The following GABRG3 variants were observed in gnomAD, a reference collection of about 807,000 sequenced individuals.
The protein encoded by GABRG3 is gamma-aminobutyric acid receptor subunit gamma-3.
GABRG3 carries 25 observed loss-of-function variants against 48.8 expected under a neutral mutation model. The observed-to-expected ratio is 0.51, with a 90% confidence interval of 0.37 to 0.72. The LOEUF (loss-of-function observed/expected upper bound fraction) is 0.72, where lower values mean the gene tolerates loss of function less well. Ranked by LOEUF, GABRG3 falls within the 30% of genes least tolerant of loss-of-function variation. The pLI, the probability that GABRG3 is intolerant of heterozygous loss-of-function variation, is 0.00. For synonymous variants in GABRG3, 227 were observed against 217.6 expected (o/e 1.04, Z -0.38); for missense variants, 394 against 577.9 (o/e 0.68, Z 3.26).
Position 27,447,672 on chromosome 15 carries a change from TAAA to T in GABRG3, c.575-32974_575-32972del. 6.6e-6 allele frequency among the ~76,000 whole-genome samples: 1 copy of T among 152,100 alleles called. No individual in the cohort carries two copies. The highest frequency in any genetic ancestry group is 1.9e-4 in the East Asian group (1 of 5,186). On this transcript the variant is annotated intron_variant, in intron 5 of 9. Transcript: ENST00000615808. The surrounding 1 kb of genome is among the most constrained non-coding windows in gnomAD (Gnocchi z 4.0). ...TACACTGTGGAATACTATGCAGCCA[TAAA>T]AAAGGATGAGTTCATTTCCTTTGCA...
rs148886087 is a variant in GABRG3, at chr15:27,342,428, C to A, written c.574+13540C>A. Among the ~76,000 whole-genome samples, 721 of 152,298 alleles carry A rather than the reference C, an allele frequency of 4.7e-3. 9 individuals carry two copies. Among genetic ancestry groups the A allele is most frequent in the African/African-American group, 0.016 (678 of 41,560 alleles). ...CTCTGGCTGCTGCTAGCACATCACC[C>A]CTCCACAGCGTTCTGTATCATCTCC... is the stretch of plus-strand genomic sequence containing the variant. On this transcript the variant is annotated intron_variant, in intron 5 of 9. Transcript: ENST00000615808.
chr15:27,316,678 G>A (rs945507689), intron 3 of GABRG3, among the ~76,000 whole-genome samples: 3 of 152,202 alleles, frequency 2.0e-5, no homozygotes, highest in African/African-American at 7.2e-5. Context: ...TGAATGATGA[G>A]GAATTTCGTT....
At chr15:27,080,915 T>C (rs1896981809) in intron 3 of GABRG3, among the ~76,000 whole-genome samples, 1 of 152,088 alleles carries the variant, frequency 6.6e-6, no homozygotes, top group South Asian at 2.1e-4. Flanking sequence ...CTAACCACCA[T>C]AGAAACCAGG....
intron 3 of GABRG3, among the ~76,000 whole-genome samples, chr15:27,095,344 C>T (rs749958809): frequency 2.0e-5 from 3 of 152,208 alleles, no homozygotes; most frequent in East Asian, 3.9e-4. Flanking sequence ...CAGACACACA[C>T]ATGCTTCTGT....
chr15:27,165,648 C>T (rs1681343973), intron 3 of GABRG3, among the ~76,000 whole-genome samples: 1 of 152,022 alleles, frequency 6.6e-6, no homozygotes, highest in Admixed American at 6.6e-5. Flanking sequence ...TCTCCCCTCT[C>T]TTCCTACAGT....
chr15:27,177,366 T>C (rs550464980), intron 3 of GABRG3, among the ~76,000 whole-genome samples: 1 of 152,356 alleles, frequency 6.6e-6, no homozygotes, highest in South Asian at 2.1e-4. Context: ...GACCTCCAGC[T>C]ACATGACTCT....
intron 3 of GABRG3, among the ~76,000 whole-genome samples, chr15:27,039,512 T>A (rs536899402): frequency 6.6e-6 from 1 of 152,324 alleles, no homozygotes; most frequent in South Asian, 2.1e-4. Flanking sequence ...AAGGAATCCC[T>A]GCATTGGGAG....
At chr15:27,189,835 C>T (rs1888234206) in intron 3 of GABRG3, among the ~76,000 whole-genome samples, 1 of 152,092 alleles carries the variant, frequency 6.6e-6, no homozygotes, top group South Asian at 2.1e-4. Context: ...CAGTTTTTGC[C>T]CATTCAGTAT....
intron 5 of GABRG3, among the ~76,000 whole-genome samples, chr15:27,463,066 AT>A: frequency 6.6e-6 from 1 of 152,314 alleles, no homozygotes; most frequent in Non-Finnish European, 1.5e-5. Flanking sequence ...TCTTGAAAAA[AT>A]AATGCATGCT....
At chr15:26,996,405 T>G (rs76139588) in intron 2 of GABRG3, among the ~76,000 whole-genome samples, 2,222 of 152,128 alleles carry the variant, frequency 0.015, 66 homozygotes, top group African/African-American at 0.051. Flanking sequence ...TGCAGTCACA[T>G]TGTCTTCTGG....
chr15:27,271,225 C>T (rs888548283), intron 3 of GABRG3, among the ~76,000 whole-genome samples: 2 of 152,182 alleles, frequency 1.3e-5, no homozygotes, highest in Admixed American at 6.5e-5. Context: ...GTGAGTGCTC[C>T]CTGCACTTGC....
chr15:27,380,840 A>T (rs1895748890), intron 5 of GABRG3, among the ~76,000 whole-genome samples: 1 of 146,148 alleles, frequency 6.8e-6, no homozygotes, highest in Non-Finnish European at 1.5e-5. Context: ...ATCTCGGCTC[A>T]CTGCAAGCTC....
intron 6 of GABRG3, among the ~76,000 whole-genome samples, chr15:27,485,875 A>G (rs996553489): frequency 2.0e-5 from 3 of 152,174 alleles, no homozygotes; most frequent in Non-Finnish European, 2.9e-5. Context: ...GGAAGAGAGA[A>G]AGAGATTGAC....
At chr15:27,024,444 G>A (rs1471119040) in intron 2 of GABRG3, among the ~76,000 whole-genome samples, 1 of 152,176 alleles carries the variant, frequency 6.6e-6, no homozygotes, top group Non-Finnish European at 1.5e-5. Flanking sequence ...AGGCCTTACA[G>A]TTAGGTCTCA....
intron 3 of GABRG3, among the ~76,000 whole-genome samples, chr15:27,218,034 G>A (rs1397816442): frequency 6.6e-6 from 1 of 152,140 alleles, no homozygotes; most frequent in Admixed American, 6.5e-5. Flanking sequence ...CTGCAGGGGA[G>A]CTTCCCGCGC....
At chr15:27,248,580 T>C (rs540457125) in intron 3 of GABRG3, among the ~76,000 whole-genome samples, 3 of 152,192 alleles carry the variant, frequency 2.0e-5, no homozygotes, top group African/African-American at 7.2e-5. Flanking sequence ...CAACATCCCA[T>C]ATTGGCAGAA....
chr15:27,323,062 C>G (rs1454438950), intron 3 of GABRG3, among the ~76,000 whole-genome samples: 3 of 152,104 alleles, frequency 2.0e-5, no homozygotes, highest in Non-Finnish European at 4.4e-5. Context: ...GGGGCACAAA[C>G]TGCTCCTAAT....
chr15:27,362,614 A>G (rs560442333), intron 5 of GABRG3: 3 of 152,342 alleles, frequency 2.0e-5, no homozygotes, highest in African/African-American at 7.2e-5. Flanking sequence ...AAAAATATAC[A>G]CATGGTAAAA....
intron 5 of GABRG3, among the ~76,000 whole-genome samples, chr15:27,458,501 G>T (rs374852822): frequency 2.0e-5 from 3 of 152,144 alleles, no homozygotes; most frequent in Admixed American, 6.5e-5. Context: ...TCACAAGCTC[G>T]TCAAGTCTGG....
Sources: gnomAD v4.1 joint callset for allele counts (sites outside exome capture counted in the v4.1 genomes callset) on GRCh38, gnomAD v4.1.1 for gene constraint, Gnocchi (gnomAD v3.1) non-coding constraint, MANE v1.5 for transcripts, NCBI Gene and HGNC (gene_info 2026-07-23, HGNC 2026-07-21) for gene names.